Variants in KCNH7 observed in about 807,000 individuals in gnomAD.
The protein encoded by KCNH7 is potassium voltage-gated channel subfamily H member 7, also known as voltage-gated inwardly rectifying potassium channel KCNH7.
Under a neutral mutation model 120.8 loss-of-function variants are expected in KCNH7, and 49 were observed. That is an observed-to-expected ratio of 0.41 (90% CI 0.32 to 0.51). KCNH7 has a LOEUF of 0.51. Ranked by LOEUF, KCNH7 falls within the 20% of genes least tolerant of loss-of-function variation. The probability of loss-of-function intolerance (pLI) is 0.38; values close to 1 mark genes in which losing one functional copy is unlikely to be tolerated. For synonymous variants in KCNH7, 547 were observed against 516.1 expected, an observed-to-expected ratio of 1.06 and a Z score of -0.81; for missense variants, 1,097 against 1,446.6, an observed-to-expected ratio of 0.76 and a Z score of 3.92.
intron 2 of KCNH7, among the ~76,000 whole-genome samples, chr2:162,807,076 A>G (rs922197330): frequency 9.9e-5 from 15 of 151,654 alleles, no homozygotes; most frequent in African/African-American, 3.6e-4. Context: ...TCAAAATGCA[A>G]TCGATGACCA....
intron 2 of KCNH7, among the ~76,000 whole-genome samples, chr2:162,699,461 G>T (rs1308169311): frequency 1.3e-5 from 2 of 152,010 alleles, no homozygotes; most frequent in Admixed American, 6.6e-5. Context: ...AGATACAGTA[G>T]AAATGTACTG....
intron 6 of KCNH7, among the ~76,000 whole-genome samples, chr2:162,472,531 A>G (rs950253245): frequency 1.3e-4 from 20 of 152,352 alleles, no homozygotes; most frequent in African/African-American, 3.1e-4. Flanking sequence ...AATCAAAACC[A>G]CAATGAGATA....
intron 2 of KCNH7, among the ~76,000 whole-genome samples, chr2:162,792,052 G>A (rs1459189789): frequency 4.0e-5 from 6 of 151,806 alleles, no homozygotes; most frequent in Non-Finnish European, 7.4e-5. Flanking sequence ...CATGTGGTTT[G>A]TGTCTTCAGT....
chr2:162,715,977 T>TGC (rs1553517303), intron 2 of KCNH7, among the ~76,000 whole-genome samples: 19 of 151,260 alleles, frequency 1.3e-4, no homozygotes, highest in African/African-American at 4.4e-4. Context: ...TGTGTGTGTG[T>TGC]GCACACCACA....
chr2:162,395,604 G>C (rs1443553243), intron 11 of KCNH7, among the ~76,000 whole-genome samples: 1 of 151,602 alleles, frequency 6.6e-6, no homozygotes, highest in Non-Finnish European at 1.5e-5. Flanking sequence ...AATGAGGGTG[G>C]TGACATAAAA....
chr2:162,787,334 G>A (rs371003036), intron 2 of KCNH7, among the ~76,000 whole-genome samples: 2 of 152,158 alleles, frequency 1.3e-5, no homozygotes, highest in Admixed American at 6.5e-5. Context: ...CAGGTTCTAG[G>A]CTGGCACCAT....
Position 162,788,681 on chromosome 2 carries a change from T to C in KCNH7, c.307+47856A>G, listed in dbSNP as rs148618404. On this transcript the variant is annotated intron_variant, in intron 2 of 15. Coordinates refer to ENST00000332142, the MANE Select transcript of KCNH7 (RefSeq NM_033272.4). ...TATTTAAGTCCAAGAAGAAACAAAC[T>C]AAAAAAAAGAAATAGGCAGAGGGAT... Among the ~76,000 whole-genome samples, 894 of 150,750 alleles carry C rather than the reference T, an allele frequency of 5.9e-3. 11 individuals are homozygous for C. The highest frequency in any genetic ancestry group is 0.02 in the African/African-American group (840 of 41,210).
At chr2:162,743,806 T>G (rs183156861) in intron 2 of KCNH7, among the ~76,000 whole-genome samples, 1 of 152,136 alleles carries the variant, frequency 6.6e-6, no homozygotes, top group Non-Finnish European at 1.5e-5. Flanking sequence ...CATAAAAACC[T>G]TAATCACAGA....
chr2:162,678,687 T>C (rs147229644), intron 2 of KCNH7, among the ~76,000 whole-genome samples: 58 of 151,632 alleles, frequency 3.8e-4, no homozygotes, highest in African/African-American at 1.3e-3. Context: ...TTAACCCTTA[T>C]GATTAACAGA....
At chr2:162,716,266 A>G (rs940589409) in intron 2 of KCNH7, among the ~76,000 whole-genome samples, 2 of 152,160 alleles carry the variant, frequency 1.3e-5, no homozygotes, top group African/African-American at 4.8e-5. Flanking sequence ...AGATCAGCAC[A>G]CAAAGAAAAC....
chr2:162,423,253 G>C (rs1687760094), intron 9 of KCNH7, 83 bp downstream of exon 9: 3 of 1,608,490 alleles, frequency 1.9e-6, no homozygotes, highest in Non-Finnish European at 2.6e-6. Context: ...GGGGTTCAAA[G>C]CTGGTGATTC....
chr2:162,725,612 A>T lies in KCNH7; in HGVS notation c.307+110925T>A, dbSNP rs557735814. Among the ~76,000 whole-genome samples, 4 of 152,328 alleles carry T rather than the reference A, an allele frequency of 2.6e-5. No individual in the cohort carries two copies. The East Asian group carries it at 7.7e-4, about 29-fold the overall frequency. On this transcript the variant is annotated intron_variant, in intron 2 of 15. Coordinates refer to ENST00000332142, the MANE Select transcript of KCNH7 (RefSeq NM_033272.4). ...CACTGGGAAGTTATTCATGAACAAG[A>T]CCATCAAAAGGGAGAAGGCAAGCTT...
At chr2:162,389,005 AG>A (rs1686662696) in intron 12 of KCNH7, among the ~76,000 whole-genome samples, 1 of 151,956 alleles carries the variant, frequency 6.6e-6, no homozygotes, top group South Asian at 2.1e-4. Context: ...TCTCTTGAAA[AG>A]GGTTCTTGTT....
intron 2 of KCNH7, among the ~76,000 whole-genome samples, chr2:162,699,632 C>T (rs1185512723): frequency 6.6e-6 from 1 of 152,078 alleles, no homozygotes; most frequent in Non-Finnish European, 1.5e-5. Flanking sequence ...AAATTTGTTA[C>T]CTTTGTGATA....
intron 4 of KCNH7, among the ~76,000 whole-genome samples, chr2:162,514,391 T>C (rs1446791267): frequency 2.0e-5 from 3 of 151,798 alleles, no homozygotes; most frequent in Non-Finnish European, 2.9e-5. Flanking sequence ...TTATAAATTA[T>C]AACTGTACTT....
At chr2:162,800,432 A>G (rs1684302340) in intron 2 of KCNH7, among the ~76,000 whole-genome samples, 1 of 151,706 alleles carries the variant, frequency 6.6e-6, no homozygotes, top group Admixed American at 6.6e-5. Flanking sequence ...GTATACTATT[A>G]TCACCTATGG....
intron 6 of KCNH7, among the ~76,000 whole-genome samples, chr2:162,464,944 C>T (rs1689260878): frequency 1.3e-5 from 2 of 152,002 alleles, no homozygotes; most frequent in African/African-American, 4.8e-5. Flanking sequence ...TATAGGGTTG[C>T]CAACTTTTTA....
intron 2 of KCNH7, among the ~76,000 whole-genome samples, chr2:162,683,107 T>C (rs1380937228): frequency 6.6e-6 from 1 of 151,818 alleles, no homozygotes; most frequent in East Asian, 1.9e-4. Context: ...AATACAGAAA[T>C]GCTTTTACTG....
At chr2:162,708,333 G>T (rs1048162133) in intron 2 of KCNH7, among the ~76,000 whole-genome samples, 1 of 151,988 alleles carries the variant, frequency 6.6e-6, no homozygotes, top group East Asian at 1.9e-4. Flanking sequence ...GCTAAGGTGG[G>T]TTTATTTGTA....
Sources: allele counts gnomAD v4.1 joint callset (sites outside exome capture counted in the v4.1 genomes callset), GRCh38; gene constraint gnomAD v4.1.1; transcripts MANE v1.5; gene names NCBI Gene and HGNC (gene_info 2026-07-23, HGNC 2026-07-21).